Variants in NCOR1 observed in about 807,000 individuals in gnomAD.
NCOR1 encodes protein phosphatase 1, regulatory subunit 109.
NCOR1 carries 63 observed loss-of-function variants against 288.1 expected under a neutral mutation model. That is an observed-to-expected ratio of 0.22 (90% CI 0.18 to 0.27). The LOEUF (loss-of-function observed/expected upper bound fraction) is 0.27, where lower values mean the gene tolerates loss of function less well. Among genes scored for constraint, NCOR1 ranks in the 10% least tolerant of loss-of-function variants. The pLI, the probability that NCOR1 is intolerant of heterozygous loss-of-function variation, is 1.00. For synonymous variants in NCOR1, 1,007 were observed against 1,065.9 expected, an observed-to-expected ratio of 0.94 and a Z score of 1.08; for missense variants, 2,397 against 3,019.2, an observed-to-expected ratio of 0.79 and a Z score of 4.83.
chr17:16,120,052 T>C (rs2072661552), intron 16 of NCOR1, among the ~76,000 whole-genome samples: 1 of 152,204 alleles, frequency 6.6e-6, no homozygotes, highest in South Asian at 2.1e-4. Context: ...CCATATTCCC[T>C]TTCTCAATTT....
At chr17:16,034,055 T>C (rs2151826155) in intron 45 of NCOR1, among the ~76,000 whole-genome samples, 1 of 152,346 alleles carries the variant, frequency 6.6e-6, no homozygotes, top group Admixed American at 6.5e-5. Flanking sequence ...AGTATTTCCC[T>C]AAGAACTTTT....
rs2153198030 is a variant in NCOR1 at position 16,127,191 on chromosome 17, ATATATACATGTATGTATATATCTGTATG to A, written c.1510-1013_1510-986del. On this transcript the variant is annotated intron_variant, in intron 14 of 45. Coordinates refer to ENST00000268712, the MANE Select transcript of NCOR1 (RefSeq NM_006311.4). ...TACATGTATGTATATATCTGTATGT[ATATATACATGTATGTATATATCTGTATG>A]TATATATACATGTATGCATATATGT... Among the ~76,000 whole-genome samples, 4 of 148,536 alleles carry A rather than the reference ATATATACATGTATGTATATATCTGTATG, an allele frequency of 2.7e-5. No homozygotes were observed. The East Asian group carries it at 7.8e-4, about 29-fold the overall frequency.
chr17:16,113,955 T>C (rs2070926705), intron 18 of NCOR1, among the ~76,000 whole-genome samples: 1 of 151,916 alleles, frequency 6.6e-6, no homozygotes, highest in Admixed American at 6.6e-5. Context: ...TAAAAAAACA[T>C]TATCAATCTT....
chr17:16,189,274 G>A (rs138162332), intron 2 of NCOR1, among the ~76,000 whole-genome samples: 244 of 151,746 alleles, frequency 1.6e-3, no homozygotes, highest in African/African-American at 5.6e-3. Flanking sequence ...CATGTCTGTG[G>A]TCCCAGCTAC....
intron 4 of NCOR1, 89 bp from the exon 5 acceptor site, chr17:16,165,250 G>A: frequency 9.9e-7 from 1 of 1,006,642 alleles, no homozygotes; most frequent in Non-Finnish European, 1.4e-6. Flanking sequence ...TTAAACCACA[G>A]CAGAGCCATG....
rs553979542 is a variant in NCOR1, at chr17:16,102,174, G to A, written c.2183-417C>T. Among the ~76,000 whole-genome samples the A allele has an allele frequency of 1.1e-3, 166 of 152,172 alleles. 1 individual carries two copies. Among genetic ancestry groups the A allele is most frequent in the Non-Finnish European group, 2.9e-4 (20 of 68,020 alleles). ...CCCAGCTGAACTGACACTCTAGAAC[G>A]GCTCCATCCAATAGACATATAATGT... On this transcript the variant is annotated intron_variant, in intron 19 of 45. Coordinates refer to ENST00000268712, the MANE Select transcript of NCOR1 (RefSeq NM_006311.4).
At chr17:16,215,226 C>G (rs1309113946) in intron 1 of NCOR1, 136 bp downstream of exon 1, 7 of 379,732 alleles carry the variant, frequency 1.8e-5, no homozygotes, top group Non-Finnish European at 3.3e-5. Context: ...AGGACGGGTC[C>G]CGACCTGCCC....
intron 42 of NCOR1, among the ~76,000 whole-genome samples, chr17:16,041,974 T>A (rs992622484): frequency 1.3e-5 from 2 of 152,102 alleles, no homozygotes; most frequent in Admixed American, 6.5e-5. Context: ...CTGACCTCGA[T>A]ATGCCCGCCT....
intron 14 of NCOR1, among the ~76,000 whole-genome samples, chr17:16,136,126 A>T (rs1472140196): frequency 1.3e-5 from 2 of 152,204 alleles, no homozygotes; most frequent in Non-Finnish European, 2.9e-5. Context: ...ACTGAATTGC[A>T]ACTGTGAAAA....
Position 16,058,400 on chromosome 17 carries a change from A to G in NCOR1, c.6010+71T>C, listed in dbSNP as rs2060169926. 2.5e-6 allele frequency: 4 copies of G among 1,571,546 alleles called. No homozygotes were observed. In the African/African-American group the frequency reaches 5.4e-5, roughly 21 times the overall value. On this transcript the variant is annotated intron_variant, in intron 38 of 45. Coordinates refer to ENST00000268712, the MANE Select transcript of NCOR1 (RefSeq NM_006311.4). The stretch of plus-strand genomic sequence containing the variant: ...AACAAGTTAATTCTTACTATGGTCT[A>G]GACAGATAATTAGAAGCAAATGATA...
At chr17:16,180,760 TA>T in intron 3 of NCOR1, among the ~76,000 whole-genome samples, 1 of 151,694 alleles carries the variant, frequency 6.6e-6, no homozygotes, top group East Asian at 2.0e-4. Flanking sequence ...AAAAAAAGAA[TA>T]AAACAACAAC....
intron 11 of NCOR1, among the ~76,000 whole-genome samples, chr17:16,143,066 G>A (rs923770503): frequency 6.6e-6 from 1 of 152,104 alleles, no homozygotes; most frequent in African/African-American, 2.4e-5. Context: ...TATATCACCT[G>A]CAGACAGATG....
chr17:16,092,146 A>C lies in NCOR1; in HGVS notation c.2821-88T>G. The C allele has an allele frequency of 2.8e-6, 4 of 1,436,926 alleles. No individual in the cohort carries two copies. The South Asian group carries it at 4.8e-5, about 17-fold the overall frequency. 89.0% of individuals were successfully genotyped at this position (1,436,926 alleles called of 1,614,324 possible). A position where few individuals can be genotyped will look rare whatever the true frequency, so the allele number is the denominator to read the frequency against. The stretch of plus-strand genomic sequence containing the variant: ...AAGTAATGTAATGCTTATTTCTGTC[A>C]TGTTATTGGTTGAATTGATTTTATC... On this transcript the variant is annotated intron_variant, in intron 21 of 45. Coordinates refer to ENST00000268712, the MANE Select transcript of NCOR1 (RefSeq NM_006311.4).
In NCOR1 at chr17:16,073,550, T is replaced by A; in HGVS notation, c.3690A>T (p.Glu1230Asp). The A allele has an allele frequency of 6.2e-7, 1 of 1,607,196 alleles. No individual in the cohort carries two copies. The highest frequency in any genetic ancestry group is 8.5e-7 in the Non-Finnish European group (1 of 1,177,012). ...LSYDNIKNAR[E>D]GTRSPRTAHE... ...GAGCTGTTCTTGGACTCCTAGTCCC[T>A]TCTCGGGCATTCTTAATATCTACAG... Residue 1230 changes from glutamate to aspartate, a missense_variant, in exon 28 of 46, where the codon GAA becomes GAT. By Grantham distance (45) the Glu-to-Asp change is conservative. This residue lies in a region of NCOR1 where 1,872 missense variants were observed against 2,187.8 expected (regional missense o/e 0.86). Coordinates refer to ENST00000268712, the MANE Select transcript of NCOR1 (RefSeq NM_006311.4).
chr17:16,129,860 A>G (rs1043632916), intron 14 of NCOR1, among the ~76,000 whole-genome samples: 2 of 152,204 alleles, frequency 1.3e-5, no homozygotes, highest in African/African-American at 2.4e-5. Flanking sequence ...TATTTCCCCA[A>G]TACTTTTCTG....
At chr17:16,073,223 C>A (rs568653232) in intron 28 of NCOR1, among the ~76,000 whole-genome samples, 1 of 152,188 alleles carries the variant, frequency 6.6e-6, no homozygotes, top group South Asian at 2.1e-4. Context: ...TGACTTCCTT[C>A]CATTGTTATG....
At chr17:16,143,785 G>A in intron 10 of NCOR1, 89 bp from the exon 11 acceptor site, 1 of 958,980 alleles carries the variant, frequency 1.0e-6, no homozygotes, top group Non-Finnish European at 1.6e-6. Context: ...TTTTCTGAAT[G>A]GAACTTTTTA....
At chr17:16,056,471 C>T (rs1317901591) in intron 40 of NCOR1, among the ~76,000 whole-genome samples, 2 of 151,944 alleles carry the variant, frequency 1.3e-5, no homozygotes, top group African/African-American at 4.8e-5. Context: ...GCCATCATGC[C>T]TGGCTAATTT....
intron 3 of NCOR1, among the ~76,000 whole-genome samples, chr17:16,186,232 T>A (rs576797182): frequency 6.6e-6 from 1 of 152,126 alleles, no homozygotes; most frequent in Non-Finnish European, 1.5e-5. Flanking sequence ...ACTCCAGAGA[T>A]TGATTTAAGT....
Sources: gnomAD v4.1 joint callset for allele counts (sites outside exome capture counted in the v4.1 genomes callset) on GRCh38, gnomAD v4.1.1 for gene constraint, gnomAD v4.1.1 regional missense constraint, MANE v1.5 for transcripts, NCBI Gene and HGNC (gene_info 2026-07-23, HGNC 2026-07-21) for gene names.